The following VCAN variants were observed in gnomAD, a reference collection of about 807,000 sequenced individuals.
VCAN encodes versican.
A neutral mutation model predicts 245.5 loss-of-function variants in VCAN; 44 were observed. The ratio of observed to expected loss-of-function variants is 0.18; its 90% CI spans 0.14 to 0.23. The LOEUF is 0.23. Ranked by LOEUF, VCAN falls within the 10% of genes least tolerant of loss-of-function variation. VCAN has a pLI of 1.00. For missense variants in VCAN, 3,793 were observed against 4,057.9 expected (o/e 0.93, Z 1.77); for synonymous variants, 1,413 against 1,437.0 (o/e 0.98, Z 0.38).
chr5:83,490,354 T>C lies in VCAN; in HGVS notation c.327T>C (p.Ala109=), dbSNP rs1744939703. 1 of 1,614,242 alleles carries C rather than the reference T, an allele frequency of 6.2e-7. No individual in the cohort carries two copies. The highest frequency in any genetic ancestry group is 1.1e-5 in the South Asian group (1 of 91,088). ...GRVSVPTHPE[A]VGDASLTVVK... is the part of the protein sequence containing the mutation. ...TGTCTGTGCCCACACATCCCGAGGC[T>C]GTGGGCGATGCCTCCCTCACTGTGG... The change falls in exon 3 of 15, where the codon GCT becomes GCC. Residue 109 remains alanine (A), a synonymous_variant. Transcript: ENST00000265077.
chr5:83,578,620 T>A (rs540664517), intron 13 of VCAN, among the ~76,000 whole-genome samples: 74 of 152,256 alleles, frequency 4.9e-4, no homozygotes, highest in African/African-American at 1.1e-3. Context: ...ATGTAATAAA[T>A]TTAATAATTG....
intron 11 of VCAN, 143 bp downstream of exon 11, chr5:83,553,665 A>T: frequency 8.6e-7 from 1 of 1,168,470 alleles, no homozygotes; most frequent in East Asian, 2.6e-5. Flanking sequence ...ACTTAAAATC[A>T]TCTCACCTAT....
At chr5:83,534,027 C>T (rs979768076) in intron 7 of VCAN, 2 of 151,932 alleles carry the variant, frequency 1.3e-5, no homozygotes, top group African/African-American at 2.4e-5. Context: ...CAGAGGAAAA[C>T]AAAAAATTTC....
chr5:83,539,968 A>T lies in VCAN; in HGVS notation c.6965A>T (p.Glu2322Val), dbSNP rs1294829622. 1 of 1,614,150 alleles carries T rather than the reference A, an allele frequency of 6.2e-7. No individual in the cohort carries two copies. ...CTCGTATCTCAAACAGACATCTTTG[A>T]AGGTAGTGGGTCAGTAACCAGCACA... ...GPLVSQTDIFEGSGSVTSTTL... is the reference protein window; with the variant it reads ...GPLVSQTDIFVGSGSVTSTTL... Residue 2322 changes from glutamate (E) to valine (V), a missense_variant, in exon 8 of 15, where the codon GAA becomes GTA. This residue lies in a region of VCAN where 3,182 missense variants were observed against 3,250.3 expected (regional missense o/e 0.98). Coordinates refer to ENST00000265077, the MANE Select transcript of VCAN (RefSeq NM_004385.5).
chr5:83,538,494 G>C lies in VCAN; in HGVS notation c.5491G>C (p.Val1831Leu), dbSNP rs200311221. The C allele has an allele frequency of 2.5e-6, 4 of 1,613,966 alleles. No homozygotes were observed. The highest frequency in any genetic ancestry group is 3.4e-6 in the Non-Finnish European group (4 of 1,179,932). ...LTTLPRSPAS[V>L]FMEQGSGEAA... The stretch of plus-strand genomic sequence containing the variant: ...CACTCTCCCACGTAGTCCTGCCTCT[G>C]TCTTTATGGAGCAGGGCTCTGGAGA... Residue 1831 changes from valine to leucine, a missense_variant, in exon 8 of 15, where the codon GTC becomes CTC. Physicochemically the swap from Val to Leu is conservative, Grantham distance 32. Transcript: ENST00000265077.
At chr5:83,557,652 G>C (rs1469518619) in intron 12 of VCAN, among the ~76,000 whole-genome samples, 3 of 152,066 alleles carry the variant, frequency 2.0e-5, no homozygotes, top group Non-Finnish European at 2.9e-5. Context: ...TATTTCCATA[G>C]TCTAGAAAGG....
rs772388664 is a variant in VCAN, at chr5:83,540,222, G to T, written c.7219G>T (p.Gly2407Cys). The T allele has an allele frequency of 6.2e-7, 1 of 1,613,946 alleles. No individual in the cohort carries two copies. Among genetic ancestry groups the T allele is most frequent in the Non-Finnish European group, 8.5e-7 (1 of 1,179,986 alleles). The change falls in exon 8 of 15, where the codon GGT becomes TGT. Residue 2407 changes from glycine (G) to cysteine (C), a missense_variant. Around this residue, in one of 5 missense-constraint regions of VCAN, gnomAD observed 3,182 missense variants for 3,250.3 expected, o/e 0.98. Transcript: ENST00000265077. The part of the protein sequence containing the change: ...SSTDFLARAY[G>C]FEMAKEFVTS... Reference sequence around the variant, plus strand: ...TACTGATTTTCTGGCTAGAGCTTATGGTTTTGAAATGGCCAAAGAATTTGT... The same window carrying T: ...TACTGATTTTCTGGCTAGAGCTTATTGTTTTGAAATGGCCAAAGAATTTGT...
At chr5:83,554,525 C>A (rs76483570) in intron 11 of VCAN, among the ~76,000 whole-genome samples, 2,025 of 152,054 alleles carry the variant, frequency 0.013, 81 homozygotes, top group East Asian at 0.088. Flanking sequence ...AAAAAAGGAA[C>A]AAGTGGCTTC....
At chr5:83,513,453 G>A (rs1745735369) in intron 6 of VCAN, among the ~76,000 whole-genome samples, 2 of 152,216 alleles carry the variant, frequency 1.3e-5, no homozygotes, top group African/African-American at 2.4e-5. Context: ...AGACTGTGAT[G>A]TTCTAGGTAG....
At chr5:83,553,633 T>C in intron 11 of VCAN, 111 bp downstream of exon 11, 1 of 1,381,088 alleles carries the variant, frequency 7.2e-7, no homozygotes, top group Middle Eastern at 2.2e-4. Flanking sequence ...ATACAACTTA[T>C]CAAATCCCTC....
At chr5:83,522,691 A>T (rs1446059490) in intron 7 of VCAN, among the ~76,000 whole-genome samples, 1 of 152,218 alleles carries the variant, frequency 6.6e-6, no homozygotes, top group South Asian at 2.1e-4. Context: ...ATTAACCTTC[A>T]GTACTTACAA....
Position 83,545,561 on chromosome 5 carries a change from C to T in VCAN, c.9290C>T (p.Pro3097Leu), listed in dbSNP as rs753596478. ...LPGPDRCKMN[P>L]CLNGGTCYPT... The stretch of plus-strand genomic sequence containing the variant: ...GGACCTGATCGCTGCAAAATGAACC[C>T]GTGCCTTAACGGAGGCACCTGTTAT... The change falls in exon 9 of 15, where the codon CCG (proline) becomes CTG (leucine). Residue 3097 changes from proline (P) to leucine (L), a missense_variant. Transcript: ENST00000265077. The T allele has an allele frequency of 1.4e-5, 23 of 1,613,942 alleles. No individual in the cohort carries two copies. In the African/African-American group the frequency reaches 1.7e-4, roughly 12 times the overall value.
chr5:83,504,227 T>G (rs1408835145), intron 5 of VCAN, among the ~76,000 whole-genome samples: 1 of 152,214 alleles, frequency 6.6e-6, no homozygotes, highest in Non-Finnish European at 1.5e-5. Flanking sequence ...ATGTCAAAGC[T>G]ATAAGTATTT....
At chr5:83,499,124 A>T (rs1199853327) in intron 5 of VCAN, among the ~76,000 whole-genome samples, 2 of 152,066 alleles carry the variant, frequency 1.3e-5, no homozygotes, top group African/African-American at 4.8e-5. Flanking sequence ...GTGCTTGAAG[A>T]CTTACTGCTT....
chr5:83,580,167 G>C lies in VCAN; in HGVS notation c.10063+5G>C. On this transcript the variant is annotated splice_donor_5th_base_variant and intron_variant, in intron 14 of 14. Coordinates refer to ENST00000265077, the MANE Select transcript of VCAN (RefSeq NM_004385.5). ...CTAAAATTACCTGCATGAACCGTAA[G>C]TGGTCCTTTAGAAAGAATGGACTAC... 2 of 1,614,072 alleles carry C rather than the reference G, an allele frequency of 1.2e-6. No individual in the cohort carries two copies. The highest frequency in any genetic ancestry group is 1.1e-5 in the South Asian group (1 of 91,082).
intron 3 of VCAN, among the ~76,000 whole-genome samples, chr5:83,490,781 T>C (rs1008035266): frequency 1.3e-5 from 2 of 152,250 alleles, no homozygotes; most frequent in African/African-American, 4.8e-5. Flanking sequence ...TATCAGTGAT[T>C]CTTTTTCAAG....
rs185192187 is a variant in VCAN, at chr5:83,508,837, G to A, written c.749-3266G>A. Among the ~76,000 whole-genome samples the A allele has an allele frequency of 7.2e-4, 110 of 152,198 alleles. 1 individual carries two copies. Among genetic ancestry groups the A allele is most frequent in the African/African-American group, 2.6e-3 (108 of 41,532 alleles). The stretch of plus-strand genomic sequence containing the variant: ...TATAAAAATTTTATTTGGAAAGTTT[G>A]AAAAATTTCTACACATAATTGAAAA... On this transcript the variant is annotated intron_variant, in intron 5 of 14. Coordinates refer to ENST00000265077, the MANE Select transcript of VCAN (RefSeq NM_004385.5).
In VCAN at chr5:83,522,373, T is replaced by C. The variant is rs1746142311; in HGVS notation, c.4003+64T>C. ...CTCATTTTATCTTGAAAGTTACTTT[T>C]GGGGAAAAAAAGTCAACATACCAAA... On this transcript the variant is annotated intron_variant, in intron 7 of 14. Coordinates refer to ENST00000265077, the MANE Select transcript of VCAN (RefSeq NM_004385.5). 4 of 1,575,294 alleles carry C rather than the reference T, an allele frequency of 2.5e-6. No individual in the cohort carries two copies. The South Asian group carries it at 4.5e-5, about 18-fold the overall frequency.
At chr5:83,545,675 G>C in intron 9 of VCAN, 25 bp downstream of exon 9, 1 of 1,560,638 alleles carries the variant, frequency 6.4e-7, no homozygotes, top group South Asian at 1.1e-5. Flanking sequence ...GGCTGAAAAG[G>C]TGCAGTTCTT....
Sources: gnomAD v4.1 joint callset for allele counts (sites outside exome capture counted in the v4.1 genomes callset) on GRCh38, gnomAD v4.1.1 for gene constraint, gnomAD v4.1.1 regional missense constraint, MANE v1.5 for transcripts, NCBI Gene and HGNC (gene_info 2026-07-23, HGNC 2026-07-21) for gene names.